The following IQCJ variants were observed in gnomAD, a reference collection of about 807,000 sequenced individuals.
IQCJ encodes IQ motif containing J.
A neutral mutation model predicts 11.0 loss-of-function variants in IQCJ; 9 were observed. The ratio of observed to expected loss-of-function variants is 0.82; its 90% CI spans 0.49 to 1.43. The LOEUF (loss-of-function observed/expected upper bound fraction) is 1.43. IQCJ is among the 40% of genes most tolerant of loss of function. The pLI is 0.00. For synonymous variants in IQCJ, 55 were observed against 51.3 expected (o/e 1.07, Z -0.31); for missense variants, 146 against 133.2 (o/e 1.10, Z -0.47).
chr3:159,138,205 CTCTT>C (rs1397474383), intron 1 of IQCJ, among the ~76,000 whole-genome samples: 1 of 152,178 alleles, frequency 6.6e-6, no homozygotes, highest in African/African-American at 2.4e-5. Context: ...TTTTTCCTGA[CTCTT>C]TCTGCTGACC....
chr3:159,185,829 G>A (rs1723342374), intron 1 of IQCJ, among the ~76,000 whole-genome samples: 1 of 152,148 alleles, frequency 6.6e-6, no homozygotes, highest in Non-Finnish European at 1.5e-5. Flanking sequence ...CAGAGCAGGA[G>A]CTCTAAGAGA....
intron 1 of IQCJ, among the ~76,000 whole-genome samples, chr3:159,182,844 CA>C (rs1432501851): frequency 6.6e-6 from 1 of 151,080 alleles, no homozygotes. Flanking sequence ...CCGATTAGGT[CA>C]GGGGTCAATC....
chr3:159,162,512 A>G (rs1721922770), intron 1 of IQCJ, among the ~76,000 whole-genome samples: 1 of 152,180 alleles, frequency 6.6e-6, no homozygotes, highest in African/African-American at 2.4e-5. Context: ...TCCTAATTGA[A>G]TATCCTTTAT....
chr3:159,149,607 T>A (rs1244258005), intron 1 of IQCJ, among the ~76,000 whole-genome samples: 1 of 152,178 alleles, frequency 6.6e-6, no homozygotes, highest in Non-Finnish European at 1.5e-5. Context: ...GAATATGATA[T>A]TCCTGGGAAA....
chr3:159,199,759 T>C (rs1014547921), intron 1 of IQCJ, among the ~76,000 whole-genome samples: 6 of 151,998 alleles, frequency 3.9e-5, no homozygotes, highest in Non-Finnish European at 8.8e-5. Context: ...CCCATGATAC[T>C]GGGTCACAAT....
At chr3:159,192,559 G>A (rs1723749576) in intron 1 of IQCJ, among the ~76,000 whole-genome samples, 1 of 152,200 alleles carries the variant, frequency 6.6e-6, no homozygotes, top group South Asian at 2.1e-4. Context: ...GCCCTTCAGA[G>A]TTATTTGGAG....
intron 1 of IQCJ, among the ~76,000 whole-genome samples, chr3:159,103,514 C>G (rs1358926971): frequency 1.3e-5 from 2 of 152,192 alleles, no homozygotes; most frequent in African/African-American, 4.8e-5. Flanking sequence ...TTCTGCTCAT[C>G]TAAAGAGCAA....
intron 1 of IQCJ, among the ~76,000 whole-genome samples, chr3:159,132,370 G>A (rs1039883437): frequency 6.6e-6 from 1 of 152,172 alleles, no homozygotes; most frequent in Non-Finnish European, 1.5e-5. Context: ...TTAAGATGCT[G>A]TCATTTGAAG....
chr3:159,236,342 A>T (rs1331300605), intron 1 of IQCJ, among the ~76,000 whole-genome samples: 5 of 139,750 alleles, frequency 3.6e-5, no homozygotes, highest in African/African-American at 1.6e-4. Context: ...TTGCATTTTT[A>T]TTTTTGATGC....
intron 1 of IQCJ, among the ~76,000 whole-genome samples, chr3:159,187,542 A>G (rs1723439920): frequency 3.3e-5 from 5 of 152,200 alleles, no homozygotes. Context: ...CTGGTGCACC[A>G]TGCTCCGCGC....
intron 1 of IQCJ, among the ~76,000 whole-genome samples, chr3:159,183,278 A>C (rs368725448): frequency 6.6e-6 from 1 of 152,326 alleles, no homozygotes; most frequent in East Asian, 1.9e-4. Flanking sequence ...ATTGTTTTAA[A>C]TAATTATGAT....
At chr3:159,077,362 T>C (rs1028620912) in intron 1 of IQCJ, among the ~76,000 whole-genome samples, 1 of 152,158 alleles carries the variant, frequency 6.6e-6, no homozygotes, top group Non-Finnish European at 1.5e-5. Flanking sequence ...AGAATTTTTC[T>C]ACAGGTGAGC....
At chr3:159,197,040 G>T (rs946917990) in intron 1 of IQCJ, among the ~76,000 whole-genome samples, 1 of 151,482 alleles carries the variant, frequency 6.6e-6, no homozygotes, top group East Asian at 1.9e-4. Context: ...AAAGGCACCT[G>T]GTTGGTCTTT....
chr3:159,254,040 A>C (rs1017608254), intron 3 of IQCJ, among the ~76,000 whole-genome samples: 1 of 152,230 alleles, frequency 6.6e-6, no homozygotes, highest in Admixed American at 6.5e-5. Flanking sequence ...ACACTTACTA[A>C]ATACATAATG....
intron 1 of IQCJ, among the ~76,000 whole-genome samples, chr3:159,071,460 GA>G (rs1322919975): frequency 6.6e-6 from 1 of 151,944 alleles, no homozygotes; most frequent in African/African-American, 2.4e-5. Flanking sequence ...GAATGAATAG[GA>G]TGGCTAAAGA....
chr3:159,093,680 T>C (rs983405744), intron 1 of IQCJ, among the ~76,000 whole-genome samples: 1 of 151,858 alleles, frequency 6.6e-6, no homozygotes. Context: ...GAAAGAGGTT[T>C]AATTGACTCA....
intron 1 of IQCJ, among the ~76,000 whole-genome samples, chr3:159,093,473 T>TG (rs911741723): frequency 2.6e-5 from 4 of 151,826 alleles, no homozygotes; most frequent in Non-Finnish European, 5.9e-5. Flanking sequence ...AATAAAATGC[T>TG]CCACTTTTGA....
At chr3:159,137,780 T>C (rs2062631) in intron 1 of IQCJ, among the ~76,000 whole-genome samples, 103,119 of 152,082 alleles carry the variant, frequency 0.68, 35,081 homozygotes, top group East Asian at 0.71. Flanking sequence ...TCATCTCTAA[T>C]GCTCTCACTA....
At chr3:159,143,310 G>T (rs1720735561) in intron 1 of IQCJ, among the ~76,000 whole-genome samples, 2 of 152,198 alleles carry the variant, frequency 1.3e-5, no homozygotes, top group Admixed American at 1.3e-4. Context: ...TCCAAGTACT[G>T]TTCCATACAA....
Sources: allele counts gnomAD v4.1 joint callset (sites outside exome capture counted in the v4.1 genomes callset), GRCh38; gene constraint gnomAD v4.1.1; transcripts MANE v1.5; gene names NCBI Gene and HGNC (gene_info 2026-07-23, HGNC 2026-07-21).